ATP10D: variants seen among roughly 807,000 people sequenced by gnomAD.
ATP10D encodes ATPase phospholipid transporting 10D (putative), also known as phospholipid-transporting ATPase VD.
A neutral mutation model predicts 144.8 loss-of-function variants in ATP10D; 89 were observed. That is an observed-to-expected ratio of 0.61 (90% CI 0.52 to 0.73). The LOEUF (loss-of-function observed/expected upper bound fraction) is 0.73. Among genes scored for constraint, ATP10D ranks in the 30% least tolerant of loss-of-function variants. The probability of loss-of-function intolerance (pLI) is 0.00; values close to 1 mark genes in which losing one functional copy is unlikely to be tolerated. For missense variants in ATP10D, 1,603 were observed against 1,714.8 expected (o/e 0.93, Z 1.15); for synonymous variants, 571 against 615.1 (o/e 0.93, Z 1.06).
At chr4:47,559,731 TG>T (rs1267569905) in intron 13 of ATP10D, among the ~76,000 whole-genome samples, 2 of 152,114 alleles carry the variant, frequency 1.3e-5, no homozygotes, top group Non-Finnish European at 2.9e-5. Flanking sequence ...GTCTGATGGC[TG>T]GGCACAGTAG....
intron 1 of ATP10D, among the ~76,000 whole-genome samples, chr4:47,500,806 G>T (rs1715643394): frequency 6.6e-6 from 1 of 152,076 alleles, no homozygotes; most frequent in African/African-American, 2.4e-5. Context: ...ATAGAAACAA[G>T]GTCATCACCA....
chr4:47,560,990 T>A lies in ATP10D; in HGVS notation c.2583T>A (p.His861Gln). ...AATATGCAGAGTGGCTGAGGAATCA[T>A]TTTTTAGCTGAAACCAGCATTGACA... is the stretch of plus-strand genomic sequence containing the variant. ...DTEYAEWLRN[H>Q]FLAETSIDNR... Residue 861 changes from histidine (H) to glutamine (Q), a missense_variant, in exon 14 of 23, where the codon CAT (histidine) becomes CAA (glutamine). His to Gln is a conservative substitution (Grantham distance 24). Coordinates refer to ENST00000273859, the MANE Select transcript of ATP10D (RefSeq NM_020453.4). The A allele has an allele frequency of 6.2e-7, 1 of 1,614,022 alleles. No homozygotes were observed. The highest frequency in any genetic ancestry group is 2.2e-5 in the East Asian group (1 of 44,880).
intron 18 of ATP10D, among the ~76,000 whole-genome samples, chr4:47,576,543 G>A (rs779307737): frequency 1.3e-5 from 2 of 152,176 alleles, no homozygotes; most frequent in Non-Finnish European, 2.9e-5. Flanking sequence ...TTAGAACAAT[G>A]CTAGCACCAC....
Position 47,557,802 on chromosome 4 carries a change from G to A in ATP10D, c.1963G>A (p.Ala655Thr), listed in dbSNP as rs768333726. Residue 655 changes from alanine (A) to threonine (T), a missense_variant, in exon 12 of 23, where the codon GCC (alanine) becomes ACC (threonine). Ala to Thr is a moderately conservative substitution (Grantham distance 58, BLOSUM62 0). Coordinates refer to ENST00000273859, the MANE Select transcript of ATP10D (RefSeq NM_020453.4). ...GKEPSSGVPNAFVSRLPLFSR... is the reference protein window; with the variant it reads ...GKEPSSGVPNTFVSRLPLFSR... ...AGAGCCATCTTCTGGAGTTCCAAAC[G>A]CCTTTGTGAGCAGACTCCCTCTCTT... The A allele has an allele frequency of 1.7e-5, 27 of 1,614,166 alleles. No homozygotes were observed. Among genetic ancestry groups the A allele is most frequent in the African/African-American group, 4.0e-5 (3 of 75,030 alleles).
chr4:47,546,918 C>T lies in ATP10D; in HGVS notation c.1635+56C>T, dbSNP rs747164183. The T allele has an allele frequency of 3.3e-6, 5 of 1,503,560 alleles. No individual in the cohort carries two copies. The South Asian group carries it at 5.7e-5, about 17-fold the overall frequency. 93.1% of individuals were successfully genotyped at this position (1,503,560 alleles called of 1,614,324 possible). A position where few individuals can be genotyped will look rare whatever the true frequency, so the allele number is the denominator to read the frequency against. ...ACATCCACAATGTATGATGAGAGAACAGCCTTGTAATTATGATAGAGTCAA... is the reference window on the plus strand; with the variant it reads ...ACATCCACAATGTATGATGAGAGAATAGCCTTGTAATTATGATAGAGTCAA... On this transcript the variant is annotated intron_variant, in intron 10 of 22. Coordinates refer to ENST00000273859, the MANE Select transcript of ATP10D (RefSeq NM_020453.4).
intron 22 of ATP10D, among the ~76,000 whole-genome samples, chr4:47,588,185 T>C (rs16860411): frequency 0.044 from 6,770 of 152,226 alleles, 528 homozygotes; most frequent in African/African-American, 0.15. Flanking sequence ...TTTAATCTGA[T>C]TTATAGTATT....
chr4:47,559,306 T>C (rs533664419), intron 13 of ATP10D, among the ~76,000 whole-genome samples: 9 of 152,352 alleles, frequency 5.9e-5, no homozygotes, highest in Admixed American at 3.3e-4. Flanking sequence ...TGGCTGGGAA[T>C]AAAAATCTCT....
chr4:47,587,723 C>T (rs913891547), intron 22 of ATP10D, among the ~76,000 whole-genome samples: 7 of 152,150 alleles, frequency 4.6e-5, no homozygotes, highest in Non-Finnish European at 1.0e-4. Flanking sequence ...GGATCAAACT[C>T]GCCCTCTTAT....
chr4:47,539,034 G>A (rs1717996046), intron 9 of ATP10D, among the ~76,000 whole-genome samples: 1 of 152,080 alleles, frequency 6.6e-6, no homozygotes, highest in Non-Finnish European at 1.5e-5. Flanking sequence ...TAGTCACAAG[G>A]TGCATCTACC....
intron 1 of ATP10D, 22 bp downstream of exon 1, chr4:47,485,541 CCTCTG>C (rs1314256531): frequency 1.3e-5 from 2 of 152,000 alleles, no homozygotes; most frequent in Non-Finnish European, 2.9e-5. Flanking sequence ...ACGGCGAATC[CCTCTG>C]ACTGTCCCAG....
intron 13 of ATP10D, among the ~76,000 whole-genome samples, 194 bp from the exon 14 acceptor site, chr4:47,560,755 T>C (rs1330197750): frequency 6.6e-6 from 1 of 151,220 alleles, no homozygotes; most frequent in Non-Finnish European, 1.5e-5. Context: ...ATCATCAGTG[T>C]TGCACTAGTC....
intron 22 of ATP10D, 127 bp from the exon 23 acceptor site, chr4:47,590,915 C>A: frequency 1.7e-6 from 1 of 571,920 alleles, no homozygotes; most frequent in Non-Finnish European, 3.0e-6. Context: ...GTTACCCTCC[C>A]CCTTTATTTC....
intron 10 of ATP10D, among the ~76,000 whole-genome samples, chr4:47,550,874 C>G (rs1274672786): frequency 6.6e-6 from 1 of 151,852 alleles, no homozygotes; most frequent in African/African-American, 2.4e-5. Context: ...TGGTGGACAG[C>G]GAGCGAAAGC....
chr4:47,542,765 C>T (rs1056255961), intron 9 of ATP10D, among the ~76,000 whole-genome samples: 1 of 152,202 alleles, frequency 6.6e-6, no homozygotes, highest in Non-Finnish European at 1.5e-5. Context: ...AGGCCTGAGC[C>T]ACCGGGCCTG....
chr4:47,542,618 CA>C (rs1400182032), intron 9 of ATP10D, among the ~76,000 whole-genome samples: 1 of 152,034 alleles, frequency 6.6e-6, no homozygotes. Flanking sequence ...GCTGGGATTA[CA>C]GGTGCCCGCC....
intron 1 of ATP10D, among the ~76,000 whole-genome samples, chr4:47,502,572 A>G (rs1715760114): frequency 6.7e-6 from 1 of 148,656 alleles, no homozygotes; most frequent in Non-Finnish European, 1.5e-5. Context: ...GATAATATAT[A>G]TATGATTATA....
At position 47,514,925 on chromosome 4, in the gene ATP10D, G is replaced by A. The variant is rs138859092; in HGVS notation, c.291-551G>A. Among the ~76,000 whole-genome samples the A allele has an allele frequency of 6.9e-4, 105 of 151,818 alleles. No individual in the cohort carries two copies. The East Asian group carries it at 0.016, about 24-fold the overall frequency. On this transcript the variant is annotated intron_variant, in intron 2 of 22. Transcript: ENST00000273859. ...CTATTTTTTTATTGTGCTCAAGACC[G>A]TCCCACTCAAATATTTACTATTTTA...
intron 4 of ATP10D, among the ~76,000 whole-genome samples, chr4:47,525,233 G>A (rs1717180186): frequency 1.3e-5 from 2 of 152,066 alleles, no homozygotes; most frequent in Non-Finnish European, 2.9e-5. Context: ...AACAACAAAA[G>A]TATTTTCAGT....
At position 47,537,870 on chromosome 4, in the gene ATP10D, G is replaced by A. The variant is rs531355044; in HGVS notation, c.1396+932G>A. On this transcript the variant is annotated intron_variant, in intron 9 of 22. Transcript: ENST00000273859. The stretch of plus-strand genomic sequence containing the variant: ...ACATTTTGTGAGCTCCCAATATGTG[G>A]CATGAGTCCCTGATTGCATGTAATT... 5.3e-5 allele frequency among the ~76,000 whole-genome samples: 8 copies of A among 152,202 alleles called. No homozygotes were observed. The East Asian group carries it at 1.3e-3, about 26-fold the overall frequency.
Sources: allele counts gnomAD v4.1 joint callset (sites outside exome capture counted in the v4.1 genomes callset), GRCh38; gene constraint gnomAD v4.1.1; transcripts MANE v1.5; gene names NCBI Gene and HGNC (gene_info 2026-07-23, HGNC 2026-07-21).